The following GREB1L variants were observed in gnomAD, a reference collection of about 807,000 sequenced individuals.
GREB1L encodes the protein GREB1-like protein.
In GREB1L, 17 loss-of-function variants were observed where a neutral mutation model predicts 200.8. That is an observed-to-expected ratio of 0.08 (90% CI 0.06 to 0.13). GREB1L has a LOEUF of 0.13. GREB1L is among the 10% of genes least tolerant of loss of function. The probability of loss-of-function intolerance (pLI) is 1.00; values close to 1 mark genes in which losing one functional copy is unlikely to be tolerated. For synonymous variants in GREB1L, 789 were observed against 893.0 expected (o/e 0.88, Z 2.08); for missense variants, 1,657 against 2,367.7 (o/e 0.70, Z 6.23).
In GREB1L at chr18:21,485,734, G is replaced by A; in HGVS notation, c.2671G>A (p.Val891Met). ...LRCDETFEKM[V>M]NTLLERYPRL... Reference sequence around the variant, plus strand: ...ATGTGACGAGACTTTTGAAAAAATGGTGAACACACTCTTGGAGAGGTAAAT... The same window carrying A: ...ATGTGACGAGACTTTTGAAAAAATGATGAACACACTCTTGGAGAGGTAAAT... The change falls in exon 18 of 33, where the codon GTG becomes ATG. Residue 891 changes from valine to methionine, a missense_variant. Around this residue, in one of 9 missense-constraint regions of GREB1L, gnomAD observed 82 missense variants for 95.9 expected, o/e 0.85. Transcript: ENST00000424526. 1 of 1,551,544 alleles carries A rather than the reference G, an allele frequency of 6.4e-7. No individual in the cohort carries two copies. The highest frequency in any genetic ancestry group is 8.7e-7 in the Non-Finnish European group (1 of 1,146,930).
chr18:21,455,975 C>T (rs544853225), intron 15 of GREB1L, among the ~76,000 whole-genome samples: 17 of 143,738 alleles, frequency 1.2e-4, no homozygotes, highest in Admixed American at 1.0e-3. Flanking sequence ...ACAGTCCTGG[C>T]TCACTGCAAC....
intron 27 of GREB1L, 200 bp downstream of exon 27, chr18:21,508,791 A>C (rs570294692): frequency 1.7e-6 from 1 of 598,598 alleles, no homozygotes; most frequent in Non-Finnish European, 2.9e-6. Context: ...GCACTTTTGC[A>C]GAATTAACTC....
intron 1 of GREB1L, among the ~76,000 whole-genome samples, chr18:21,332,090 G>T (rs905331089): frequency 2.0e-5 from 3 of 152,122 alleles, no homozygotes; most frequent in Admixed American, 2.0e-4. Context: ...CAACAAAAAA[G>T]ATTTCAATGA....
intron 1 of GREB1L, among the ~76,000 whole-genome samples, chr18:21,313,557 G>A (rs868155536): frequency 9.2e-5 from 14 of 152,170 alleles, no homozygotes; most frequent in Admixed American, 6.5e-5. Flanking sequence ...GTCCACAGAT[G>A]CAGAATCTTC....
At chr18:21,514,334 T>G (rs532107430) in intron 28 of GREB1L, among the ~76,000 whole-genome samples, 7 of 152,224 alleles carry the variant, frequency 4.6e-5, no homozygotes, top group South Asian at 4.2e-4. Flanking sequence ...CTGGCCAACA[T>G]GGTGAAATCC....
At chr18:21,426,057 A>ATT (rs201525429) in intron 7 of GREB1L, among the ~76,000 whole-genome samples, 16 of 134,628 alleles carry the variant, frequency 1.2e-4, no homozygotes, top group African/African-American at 1.7e-4. Context: ...TTTTAGGTTA[A>ATT]TTTTTTTTTT....
intron 16 of GREB1L, among the ~76,000 whole-genome samples, chr18:21,474,386 T>A (rs2145700035): frequency 6.6e-6 from 1 of 152,316 alleles, no homozygotes; most frequent in East Asian, 1.9e-4. Flanking sequence ...AGGAACTCAG[T>A]GTGGTGGGTC....
intron 1 of GREB1L, among the ~76,000 whole-genome samples, chr18:21,347,933 ATTTTTTTTT>A (rs1171946736): frequency 1.3e-5 from 1 of 77,362 alleles, no homozygotes; most frequent in Admixed American, 1.5e-4. Flanking sequence ...CACTCGGCTA[ATTTTTTTTT>A]TTTTTTTTTT....
chr18:21,303,727 T>C (rs1303066827), intron 1 of GREB1L, among the ~76,000 whole-genome samples: 1 of 152,244 alleles, frequency 6.6e-6, no homozygotes, highest in African/African-American at 2.4e-5. Context: ...GAAAAATTCT[T>C]GATATTTGCA....
Position 21,518,041 on chromosome 18 carries a change from A to G in GREB1L, c.5279A>G (p.Glu1760Gly). The G allele has an allele frequency of 1.9e-6, 3 of 1,551,174 alleles. No homozygotes were observed. Among genetic ancestry groups the G allele is most frequent in the African/African-American group, 1.4e-5 (1 of 73,138 alleles). ...TCTCGCCTCTGATTTCAGGTGTCAG[A>G]GAGCTTAGCACCCATCTTGCCCCTT... ...FIIKPKIMVS[E>G]SLAPILPLQY... Residue 1760 changes from glutamate (E) to glycine (G), a missense_variant, in exon 31 of 33, where the codon GAG becomes GGG. This residue lies in a region of GREB1L where 190 missense variants were observed against 230.2 expected (regional missense o/e 0.83). Coordinates refer to ENST00000424526, the MANE Select transcript of GREB1L (RefSeq NM_001142966.3).
At chr18:21,434,439 G>A (rs1398535582) in intron 7 of GREB1L, among the ~76,000 whole-genome samples, 1 of 151,014 alleles carries the variant, frequency 6.6e-6, no homozygotes, top group African/African-American at 2.5e-5. Context: ...TCACACCACT[G>A]CACTCCAGCC....
chr18:21,327,818 T>C (rs1051185265), intron 1 of GREB1L, among the ~76,000 whole-genome samples: 1 of 152,042 alleles, frequency 6.6e-6, no homozygotes, highest in Non-Finnish European at 1.5e-5. Context: ...GTTCACGCCA[T>C]TCTCCTGCCT....
chr18:21,380,961 C>T (rs1474000616), intron 2 of GREB1L, among the ~76,000 whole-genome samples: 1 of 150,468 alleles, frequency 6.6e-6, no homozygotes, highest in Non-Finnish European at 1.5e-5. Context: ...TAGCCAGGCA[C>T]GCCGGGCGCG....
intron 1 of GREB1L, among the ~76,000 whole-genome samples, chr18:21,266,151 C>A (rs2037964161): frequency 6.6e-6 from 1 of 152,192 alleles, no homozygotes; most frequent in Non-Finnish European, 1.5e-5. Flanking sequence ...TCTCCATTCA[C>A]TAAGCCCTCT....
intron 1 of GREB1L, among the ~76,000 whole-genome samples, chr18:21,270,911 C>CAT (rs1471433010): frequency 5.9e-5 from 9 of 152,282 alleles, no homozygotes; most frequent in African/African-American, 1.9e-4. Context: ...CATCCTTAGA[C>CAT]ATATATGCTA....
chr18:21,507,905 G>A (rs769120341), intron 25 of GREB1L, among the ~76,000 whole-genome samples: 1 of 152,236 alleles, frequency 6.6e-6, no homozygotes, highest in Non-Finnish European at 1.5e-5. Flanking sequence ...GGCTATGCAG[G>A]TGCAAGACGG....
In GREB1L at chr18:21,360,359, C is replaced by T. The variant is rs543571678; in HGVS notation, c.-119-5668C>T. The stretch of plus-strand genomic sequence containing the variant: ...TCAGCCTCCTAAGTAGCTGGGAGTA[C>T]AGGTGCTTGCCACCACACCTAGCTA... On this transcript the variant is annotated intron_variant, in intron 1 of 32. Transcript: ENST00000424526. Among the ~76,000 whole-genome samples the T allele has an allele frequency of 2.6e-5, 4 of 152,254 alleles. No homozygotes were observed. The South Asian group carries it at 8.3e-4, about 32-fold the overall frequency.
chr18:21,509,862 G>T (rs1002831291), intron 27 of GREB1L, among the ~76,000 whole-genome samples: 4 of 152,050 alleles, frequency 2.6e-5, no homozygotes, highest in African/African-American at 9.7e-5. Flanking sequence ...ATATGCAAAT[G>T]AAATATACAA....
chr18:21,427,736 G>A (rs1439539902), intron 7 of GREB1L, among the ~76,000 whole-genome samples: 2 of 152,188 alleles, frequency 1.3e-5, no homozygotes, highest in Non-Finnish European at 2.9e-5. Flanking sequence ...ATTAGCTCTA[G>A]TAGTTTTGTA....
Sources: allele counts gnomAD v4.1 joint callset (sites outside exome capture counted in the v4.1 genomes callset), GRCh38; gene constraint gnomAD v4.1.1; regional missense constraint gnomAD v4.1.1; transcripts MANE v1.5; gene names NCBI Gene and HGNC (gene_info 2026-07-23, HGNC 2026-07-21).